IPP: variants seen among roughly 807,000 people sequenced by gnomAD.
IPP encodes the protein actin-binding protein IPP.
A neutral mutation model predicts 64.1 loss-of-function variants in IPP; 41 were observed. The observed-to-expected ratio is 0.64, with a 90% CI of 0.50 to 0.83. The LOEUF is 0.83. Ranked by LOEUF, IPP falls within the 40% of genes least tolerant of loss-of-function variation. The probability of loss-of-function intolerance (pLI) is 0.00; values close to 1 mark genes in which losing one functional copy is unlikely to be tolerated. For missense variants in IPP, 649 were observed against 703.0 expected, an observed-to-expected ratio of 0.92 and a Z score of 0.87; for synonymous variants, 214 against 235.2, an observed-to-expected ratio of 0.91 and a Z score of 0.83.
At chr1:45,731,685 C>T (rs1391623164) in intron 3 of IPP, among the ~76,000 whole-genome samples, 3 of 151,964 alleles carry the variant, frequency 2.0e-5, no homozygotes, top group African/African-American at 4.8e-5. Flanking sequence ...CTTCTAATCC[C>T]AGCACTTTGG....
At chr1:45,715,048 A>C (rs146130129) in intron 7 of IPP, among the ~76,000 whole-genome samples, 100 of 152,150 alleles carry the variant, frequency 6.6e-4, no homozygotes, top group African/African-American at 2.3e-3. Context: ...ATACAAAATT[A>C]GCCAGGCATG....
intron 5 of IPP, among the ~76,000 whole-genome samples, chr1:45,724,084 T>C (rs1469664698): frequency 1.3e-5 from 2 of 150,070 alleles, no homozygotes; most frequent in Non-Finnish European, 3.0e-5. Context: ...CCTCCCTGCC[T>C]GATTCTCCTG....
At chr1:45,724,645 GT>G (rs1645784056) in intron 5 of IPP, among the ~76,000 whole-genome samples, 1 of 151,706 alleles carries the variant, frequency 6.6e-6, no homozygotes, top group Non-Finnish European at 1.5e-5. Context: ...TGTCTGGGAT[GT>G]GAGGAGCGCC....
intron 5 of IPP, among the ~76,000 whole-genome samples, chr1:45,725,447 C>G (rs1488052943): frequency 6.8e-6 from 1 of 146,238 alleles, no homozygotes; most frequent in Non-Finnish European, 1.5e-5. Context: ...GGCCAGCCGC[C>G]CCATCCGGGA....
intron 7 of IPP, among the ~76,000 whole-genome samples, chr1:45,715,825 G>C (rs1645650917): frequency 6.6e-6 from 1 of 152,128 alleles, no homozygotes; most frequent in African/African-American, 2.4e-5. Flanking sequence ...CTAGCTCTAT[G>C]ATTTCAGATG....
chr1:45,700,423 C>A, intron 8 of IPP, among the ~76,000 whole-genome samples: 1 of 152,044 alleles, frequency 6.6e-6, no homozygotes, highest in Middle Eastern at 3.2e-3. Context: ...CTCAGCGCAG[C>A]CTCAACCTCC....
At chr1:45,715,617 G>A (rs1382763097) in intron 7 of IPP, among the ~76,000 whole-genome samples, 1 of 151,760 alleles carries the variant, frequency 6.6e-6, no homozygotes, top group African/African-American at 2.4e-5. Flanking sequence ...CTCCAGCCTG[G>A]GCGACAGAGC....
At chr1:45,697,019 T>A (rs904567080), downstream of IPP, 5 of 152,160 alleles carry the variant, frequency 3.3e-5, no homozygotes, top group African/African-American at 1.2e-4. Context: ...GAATACAGAT[T>A]CTCTGTAACT....
At chr1:45,712,640 G>A (rs906742237) in intron 8 of IPP, among the ~76,000 whole-genome samples, 4 of 151,480 alleles carry the variant, frequency 2.6e-5, no homozygotes, top group Non-Finnish European at 5.9e-5. Flanking sequence ...GGAAGATCAC[G>A]AGGTCAGGAG....
intron 4 of IPP, among the ~76,000 whole-genome samples, chr1:45,728,687 GGTTTCATCAT>G (rs1483711856): frequency 1.3e-5 from 2 of 151,878 alleles, no homozygotes; most frequent in African/African-American, 4.8e-5. Context: ...ATAAAGACAA[GGTTTCATCAT>G]GTTGCCTAGA....
intron 5 of IPP, among the ~76,000 whole-genome samples, chr1:45,725,108 G>T (rs1464796338): frequency 7.7e-5 from 11 of 143,440 alleles, no homozygotes; most frequent in Non-Finnish European, 7.7e-5. Context: ...CGTCCGGGAG[G>T]GGGGAGGGGG....
At chr1:45,731,495 A>T (rs1178060030) in intron 3 of IPP, among the ~76,000 whole-genome samples, 3 of 152,238 alleles carry the variant, frequency 2.0e-5, no homozygotes, top group African/African-American at 7.2e-5. Flanking sequence ...CAAATTTTAG[A>T]CTAGAGAAAA....
intron 8 of IPP, among the ~76,000 whole-genome samples, chr1:45,707,882 A>G (rs1645531846): frequency 6.6e-6 from 1 of 152,142 alleles, no homozygotes; most frequent in African/African-American, 2.4e-5. Flanking sequence ...TTAAACAAAA[A>G]TAACAAGGCA....
intron 1 of IPP, among the ~76,000 whole-genome samples, chr1:45,749,674 C>T (rs1646193015): frequency 6.6e-6 from 1 of 151,516 alleles, no homozygotes; most frequent in Admixed American, 6.6e-5. Flanking sequence ...GCGCCCGCCA[C>T]CACGCCCGGC....
chr1:45,722,653 T>C (rs1645749555), intron 5 of IPP, among the ~76,000 whole-genome samples: 1 of 152,162 alleles, frequency 6.6e-6, no homozygotes, highest in Non-Finnish European at 1.5e-5. Flanking sequence ...AGAGTTACCA[T>C]ATAACCTAAC....
chr1:45,748,407 C>A (rs775405577), intron 1 of IPP, among the ~76,000 whole-genome samples: 1 of 152,152 alleles, frequency 6.6e-6, no homozygotes, highest in Non-Finnish European at 1.5e-5. Flanking sequence ...GTGGCTCATA[C>A]CTGTAAGCCC....
chr1:45,738,015 ATAAAT>A (rs1428183661), intron 3 of IPP, among the ~76,000 whole-genome samples: 1 of 152,218 alleles, frequency 6.6e-6, no homozygotes, highest in African/African-American at 2.4e-5. Flanking sequence ...TCTCTAATTT[ATAAAT>A]TAAACTTTAT....
chr1:45,732,083 G>A (rs1188571834), intron 3 of IPP, among the ~76,000 whole-genome samples: 1 of 152,146 alleles, frequency 6.6e-6, no homozygotes, highest in Non-Finnish European at 1.5e-5. Context: ...CTCCTGGCCA[G>A]GCACGGTGTC....
chr1:45,717,199 T>G (rs1196299877), intron 6 of IPP, among the ~76,000 whole-genome samples, 182 bp from the exon 7 acceptor site: 1 of 145,102 alleles, frequency 6.9e-6, no homozygotes, highest in African/African-American at 2.6e-5. Context: ...TCAGGTCCTT[T>G]GCATAACTGA....
Sources: allele counts gnomAD v4.1 joint callset (sites outside exome capture counted in the v4.1 genomes callset), GRCh38; gene constraint gnomAD v4.1.1; transcripts MANE v1.5; gene names NCBI Gene and HGNC (gene_info 2026-07-23, HGNC 2026-07-21).